SPIRE2: variants seen among roughly 807,000 people sequenced by gnomAD.
SPIRE2 encodes spire type actin nucleation factor 2.
Under a neutral mutation model 80.7 loss-of-function variants are expected in SPIRE2, and 76 were observed. That is an observed-to-expected ratio of 0.94 (90% confidence interval 0.78 to 1.14). The LOEUF (loss-of-function observed/expected upper bound fraction) is 1.14, where lower values mean the gene tolerates loss of function less well. Among genes scored for constraint, SPIRE2 ranks in the 50% most tolerant of loss-of-function variants. The probability of loss-of-function intolerance (pLI) is 0.00; values close to 1 mark genes in which losing one functional copy is unlikely to be tolerated. For missense variants in SPIRE2, 1,196 were observed against 1,015.3 expected (o/e 1.18, Z -2.42); for synonymous variants, 535 against 432.6 (o/e 1.24, Z -2.94).
chr16:89,849,121 T>A (rs2041595643), intron 2 of SPIRE2, among the ~76,000 whole-genome samples: 1 of 152,136 alleles, frequency 6.6e-6, no homozygotes, highest in South Asian at 2.1e-4. Flanking sequence ...CTCCCAGCAG[T>A]GGGTGGTGGG....
chr16:89,842,955 T>C (rs962288436), intron 1 of SPIRE2, among the ~76,000 whole-genome samples: 1 of 152,238 alleles, frequency 6.6e-6, no homozygotes, highest in Non-Finnish European at 1.5e-5. Context: ...GATGGCATTT[T>C]GAAAATATTT....
intron 3 of SPIRE2, among the ~76,000 whole-genome samples, chr16:89,853,989 G>A (rs571197019): frequency 6.6e-6 from 1 of 152,384 alleles, no homozygotes; most frequent in Admixed American, 6.5e-5. Context: ...GTAAAGGCCT[G>A]GCTGGGACCT....
chr16:89,833,277 C>T (rs1311290976), intron 1 of SPIRE2, among the ~76,000 whole-genome samples: 2 of 150,358 alleles, frequency 1.3e-5, no homozygotes, highest in Non-Finnish European at 3.0e-5. Context: ...GCATGAGCCA[C>T]CGCACCCGGC....
chr16:89,848,268 G>T (rs1225568510), intron 2 of SPIRE2, among the ~76,000 whole-genome samples: 1 of 152,246 alleles, frequency 6.6e-6, no homozygotes, highest in Non-Finnish European at 1.5e-5. Flanking sequence ...CACTGGTCGG[G>T]TGTGGCTGTT....
chr16:89,847,941 C>T (rs2041578912), intron 2 of SPIRE2, among the ~76,000 whole-genome samples: 1 of 152,186 alleles, frequency 6.6e-6, no homozygotes, highest in Non-Finnish European at 1.5e-5. Context: ...CTGGGTGCTG[C>T]TGTGGACCGT....
At chr16:89,859,468 C>A in intron 9 of SPIRE2, 114 bp downstream of exon 9, 1 of 562,254 alleles carries the variant, frequency 1.8e-6, no homozygotes, top group Non-Finnish European at 2.7e-6. Flanking sequence ...TCCCAGGGAC[C>A]CAGGGAGCTC....
rs572037998 is a variant in SPIRE2, at chr16:89,855,805, G to A, written c.978+119G>A. 149 of 1,063,972 alleles carry A rather than the reference G, an allele frequency of 1.4e-4. 1 individual carries two copies. The highest frequency in any genetic ancestry group is 1.2e-3 in the South Asian group (82 of 69,112). 65.9% of individuals were successfully genotyped at this position (1,063,972 alleles called of 1,614,324 possible). ...GCCAGCCTGGGAGGTGTCCCAGTGC[G>A]TCTGCGTCACGGGTGAGGCGGGCTG... On this transcript the variant is annotated intron_variant, in intron 6 of 14. Transcript: ENST00000378247.
In SPIRE2 at chr16:89,856,319, A is replaced by C. The variant is rs113325862; in HGVS notation, c.1102+83A>C. On this transcript the variant is annotated intron_variant, in intron 7 of 14. Transcript: ENST00000378247. ...TTCCCCTGGTCAGGTTGCACATTGG[A>C]AGGTGGCGTCTCCCTGAGGGCGCCT... The C allele has an allele frequency of 1.4e-3, 2,024 of 1,447,604 alleles. 22 individuals are homozygous for C. The African/African-American group carries it at 0.026, about 19-fold the overall frequency. The allele number at this position is 1,447,604 out of a possible 1,614,324, so 89.7% of individuals were successfully genotyped here. A position where few individuals can be genotyped will look rare whatever the true frequency, so the allele number is the denominator to read the frequency against.
chr16:89,869,976 G>C (rs1201316783), intron 14 of SPIRE2, 74 bp from the exon 15 acceptor site: 1 of 1,327,570 alleles, frequency 7.5e-7, no homozygotes, highest in South Asian at 1.3e-5. Flanking sequence ...GGGGGCTGTG[G>C]CATGCACAAG....
At chr16:89,847,426 G>A (rs1230535744) in intron 2 of SPIRE2, among the ~76,000 whole-genome samples, 3 of 152,166 alleles carry the variant, frequency 2.0e-5, no homozygotes, top group Non-Finnish European at 2.9e-5. Context: ...CTGCTGTCCC[G>A]AGTCTCCAAA....
chr16:89,842,158 G>C (rs1333147844), intron 1 of SPIRE2, among the ~76,000 whole-genome samples: 1 of 150,112 alleles, frequency 6.7e-6, no homozygotes, highest in Non-Finnish European at 1.5e-5. Context: ...AGAACCCAGA[G>C]ACACCCCAAG....
At chr16:89,840,547 C>G (rs1463867535) in intron 1 of SPIRE2, among the ~76,000 whole-genome samples, 1 of 151,132 alleles carries the variant, frequency 6.6e-6, no homozygotes, top group African/African-American at 2.4e-5. Flanking sequence ...CATGTCTGGC[C>G]CAAATCCTTT....
At chr16:89,833,358 C>G (rs1270920481) in intron 1 of SPIRE2, among the ~76,000 whole-genome samples, 1 of 152,220 alleles carries the variant, frequency 6.6e-6, no homozygotes, top group Non-Finnish European at 1.5e-5. Context: ...CCCCTGACCT[C>G]AGGTGATCCG....
chr16:89,863,459 C>A lies in SPIRE2; in HGVS notation c.1576-17C>A, dbSNP rs745547664. 1.2e-6 allele frequency: 2 copies of A among 1,613,656 alleles called. No homozygotes were observed. The highest frequency in any genetic ancestry group is 1.7e-6 in the Non-Finnish European group (2 of 1,179,984). On this transcript the variant is annotated splice_polypyrimidine_tract_variant and intron_variant, in intron 10 of 14. Coordinates refer to ENST00000378247, the MANE Select transcript of SPIRE2 (RefSeq NM_032451.2). The surrounding 1 kb of genome is among the most constrained non-coding windows in gnomAD (Gnocchi z 4.3). ...GCCTCCTGCATAGAAGACTTCCTAC[C>A]TGAGGCCGTCCCCTAGGAGTTCAGC...
chr16:89,832,383 T>G (rs1433775452), intron 1 of SPIRE2, among the ~76,000 whole-genome samples: 1 of 152,234 alleles, frequency 6.6e-6, no homozygotes, highest in Non-Finnish European at 1.5e-5. Context: ...CATGAGTGTT[T>G]AGTTGTTTTC....
chr16:89,866,094 A>T (rs942736801), intron 12 of SPIRE2, among the ~76,000 whole-genome samples: 2 of 151,440 alleles, frequency 1.3e-5, no homozygotes, highest in Non-Finnish European at 2.9e-5. Flanking sequence ...GGCTGCAGTG[A>T]GCTATGACGG....
Position 89,856,993 on chromosome 16 carries a change from G to A in SPIRE2, c.1102+757G>A, listed in dbSNP as rs9934094. ...AGGTGGGAGGATTGCTTGAACCTGA[G>A]AAGTTGATGCCGAAGTGACCCATGA... On this transcript the variant is annotated intron_variant, in intron 7 of 14. Transcript: ENST00000378247. Among the ~76,000 whole-genome samples the A allele has an allele frequency of 1.8e-3, 272 of 150,496 alleles. 3 individuals carry two copies. The highest frequency in any genetic ancestry group is 0.016 in the Admixed American group (243 of 15,108).
intron 1 of SPIRE2, among the ~76,000 whole-genome samples, chr16:89,831,986 C>T (rs550981585): frequency 1.3e-5 from 2 of 152,268 alleles, no homozygotes; most frequent in Non-Finnish European, 2.9e-5. Flanking sequence ...GTGTCCACGT[C>T]CAGAGCTCTG....
At chr16:89,834,177 G>GGCC (rs2041417353) in intron 1 of SPIRE2, among the ~76,000 whole-genome samples, 5 of 139,554 alleles carry the variant, frequency 3.6e-5, no homozygotes, top group African/African-American at 7.5e-5. Flanking sequence ...CGTCGTAGAA[G>GGCC]CCTGGATAAG....
Sources: gnomAD v4.1 joint callset for allele counts (sites outside exome capture counted in the v4.1 genomes callset) on GRCh38, gnomAD v4.1.1 for gene constraint, Gnocchi (gnomAD v3.1) non-coding constraint, MANE v1.5 for transcripts, NCBI Gene and HGNC (gene_info 2026-07-23, HGNC 2026-07-21) for gene names.